TMEM61: variants seen among roughly 807,000 people sequenced by gnomAD.
TMEM61 encodes transmembrane protein 61.
TMEM61 carries 13 observed loss-of-function variants against 12.0 expected under a neutral mutation model. The ratio of observed to expected loss-of-function variants is 1.08; its 90% CI spans 0.70 to 1.72. The LOEUF (loss-of-function observed/expected upper bound fraction) is 1.72. Among genes scored for constraint, TMEM61 ranks in the 40% most tolerant of loss-of-function variants. The pLI, the probability that TMEM61 is intolerant of heterozygous loss-of-function variation, is 0.00. For synonymous variants in TMEM61, 109 were observed against 121.4 expected (o/e 0.90, Z 0.67); for missense variants, 249 against 276.9 (o/e 0.90, Z 0.71).
intron 2 of TMEM61, among the ~76,000 whole-genome samples, chr1:54,988,183 T>C (rs12123143): frequency 0.18 from 27,979 of 152,252 alleles, 3,078 homozygotes; most frequent in Non-Finnish European, 0.25. Context: ...AGTGAGTTAG[T>C]GGTCAGTTGG....
intron 1 of TMEM61, among the ~76,000 whole-genome samples, chr1:54,983,786 T>G (rs1389955404): frequency 6.6e-6 from 1 of 152,176 alleles, no homozygotes; most frequent in Non-Finnish European, 1.5e-5. Context: ...AGAAGCAGGT[T>G]TCTCCTCTTG....
rs144508079 is a variant in TMEM61, at chr1:54,984,957, T to A, written c.16-1140T>A. Among the ~76,000 whole-genome samples, 186 of 152,244 alleles carry A rather than the reference T, an allele frequency of 1.2e-3. No individual in the cohort carries two copies. The Middle Eastern group carries it at 0.027, about 22-fold the overall frequency. ...CGGGGCCAGGACCCTTCCAGGTTTT[T>A]CCCCCCGTGCATTCTTTTATTTAAT... On this transcript the variant is annotated intron_variant, in intron 1 of 2. Coordinates refer to ENST00000371268, the MANE Select transcript of TMEM61 (RefSeq NM_182532.3).
At chr1:54,982,894 A>T (rs913828279) in intron 1 of TMEM61, among the ~76,000 whole-genome samples, 2 of 152,120 alleles carry the variant, frequency 1.3e-5, no homozygotes, top group African/African-American at 4.8e-5. Flanking sequence ...TCTTTAGGAC[A>T]CAGTGCTGTT....
chr1:54,985,495 C>T (rs1398621136), intron 1 of TMEM61, among the ~76,000 whole-genome samples: 1 of 152,232 alleles, frequency 6.6e-6, no homozygotes, highest in Non-Finnish European at 1.5e-5. Flanking sequence ...CCTTGGCCTC[C>T]CAAAGTGCTG....
intron 1 of TMEM61, among the ~76,000 whole-genome samples, 156 bp downstream of exon 1, chr1:54,981,236 G>A (rs191898211): frequency 1.2e-3 from 182 of 152,340 alleles, no homozygotes; most frequent in Admixed American, 4.3e-3. Flanking sequence ...TGGGTGGCTT[G>A]AGGCCATGGC....
At chr1:54,981,562 G>A (rs1354135098) in intron 1 of TMEM61, among the ~76,000 whole-genome samples, 2 of 152,212 alleles carry the variant, frequency 1.3e-5, no homozygotes, top group African/African-American at 4.8e-5. Flanking sequence ...AGGGTGCAAT[G>A]AGCCGAGATC....
At chr1:54,983,033 A>G (rs546527272) in intron 1 of TMEM61, among the ~76,000 whole-genome samples, 9 of 152,104 alleles carry the variant, frequency 5.9e-5, no homozygotes, top group African/African-American at 1.9e-4. Context: ...CAAGGGGGCA[A>G]TGAACAGGAA....
At chr1:54,986,047 G>A (rs1201542302) in intron 1 of TMEM61, 50 bp from the exon 2 acceptor site, 1 of 1,504,912 alleles carries the variant, frequency 6.6e-7, no homozygotes. Flanking sequence ...CTGGCCTCCA[G>A]CACCTTTCAT....
Position 54,986,381 on chromosome 1 carries a change from C to A in TMEM61, c.300C>A (p.Asp100Glu). The change falls in exon 2 of 3, where the codon GAC (aspartate) becomes GAA (glutamate). Residue 100 changes from aspartate to glutamate, a missense_variant. Coordinates refer to ENST00000371268, the MANE Select transcript of TMEM61 (RefSeq NM_182532.3). ...GCATCCCAGGGCCACCTCGATGGGA[C>A]CCCTATCACCTCTCCAGAGACCTGT... The part of the protein sequence containing the change: ...KASIPGPPRW[D>E]PYHLSRDLYY... The A allele has an allele frequency of 1.2e-6, 2 of 1,612,036 alleles. No homozygotes were observed. The highest frequency in any genetic ancestry group is 1.1e-5 in the South Asian group (1 of 90,840).
Position 54,991,935 on chromosome 1 carries a change from C to T in TMEM61, c.465C>T (p.Ala155=). 1 of 1,614,182 alleles carries T rather than the reference C, an allele frequency of 6.2e-7. No individual in the cohort carries two copies. Among genetic ancestry groups the T allele is most frequent in the Non-Finnish European group, 8.5e-7 (1 of 1,180,026 alleles). The part of the protein sequence containing the change: ...PTPPAYPTEE[A]LEPSGSRDAL... ...CACCTGCATACCCTACGGAGGAAGCCCTGGAGCCAAGTGGATCGAGGGATG... is the reference window on the plus strand; with the variant it reads ...CACCTGCATACCCTACGGAGGAAGCTCTGGAGCCAAGTGGATCGAGGGATG... Residue 155 remains alanine (A), a synonymous_variant, in exon 3 of 3, where the codon GCC becomes GCT. Coordinates refer to ENST00000371268, the MANE Select transcript of TMEM61 (RefSeq NM_182532.3).
chr1:54,980,880 T>A lies in TMEM61; in HGVS notation c.-186T>A. On this transcript the variant is annotated 5_prime_UTR_variant, in exon 1 of 3. Transcript: ENST00000371268. Reference sequence around the variant, plus strand: ...GGAGGGCCCAGGAGCCAGACCTCGGTTTTGCGGGCTGGGGAGCAGGGCTCG... The same window carrying A: ...GGAGGGCCCAGGAGCCAGACCTCGGATTTGCGGGCTGGGGAGCAGGGCTCG... 1 of 533,554 alleles carries A rather than the reference T, an allele frequency of 1.9e-6. No individual in the cohort carries two copies. Among genetic ancestry groups the A allele is most frequent in the African/African-American group, 2.0e-5 (1 of 50,890 alleles). 33.1% of individuals were successfully genotyped at this position (533,554 alleles called of 1,614,324 possible).
chr1:54,991,960 G>A lies in TMEM61; in HGVS notation c.490G>A (p.Ala164Thr). Residue 164 changes from alanine (A) to threonine (T), a missense_variant, in exon 3 of 3, where the codon GCC becomes ACC. Physicochemically the swap from Ala to Thr is moderately conservative, Grantham distance 58. Coordinates refer to ENST00000371268, the MANE Select transcript of TMEM61 (RefSeq NM_182532.3). ...EALEPSGSRD[A>T]LLSTQPAWPP... ...CCTGGAGCCAAGTGGATCGAGGGAT[G>A]CCCTGCTCAGCACCCAGCCCGCCTG... 2 of 1,614,182 alleles carry A rather than the reference G, an allele frequency of 1.2e-6. No homozygotes were observed. Among genetic ancestry groups the A allele is most frequent in the Non-Finnish European group, 1.7e-6 (2 of 1,180,030 alleles).
intron 2 of TMEM61, among the ~76,000 whole-genome samples, chr1:54,989,088 A>G (rs555167119): frequency 1.2e-4 from 18 of 152,314 alleles, no homozygotes; most frequent in African/African-American, 4.1e-4. Context: ...TTTAATTTAC[A>G]GTGCGCCCTC....
intron 2 of TMEM61, among the ~76,000 whole-genome samples, chr1:54,989,668 G>T (rs950923834): frequency 6.6e-6 from 1 of 152,216 alleles, no homozygotes; most frequent in Non-Finnish European, 1.5e-5. Context: ...GGAGCTGGGC[G>T]GGCCCAGCTG....
intron 1 of TMEM61, 119 bp downstream of exon 1, chr1:54,981,199 C>CG: frequency 8.6e-7 from 1 of 1,160,952 alleles, no homozygotes; most frequent in Non-Finnish European, 1.2e-6. Flanking sequence ...TGTGGACACC[C>CG]GGGGCTCTGC....
intron 2 of TMEM61, among the ~76,000 whole-genome samples, chr1:54,990,417 G>A (rs1008628099): frequency 1.3e-5 from 2 of 152,156 alleles, no homozygotes; most frequent in African/African-American, 4.8e-5. Context: ...ACACATTGCC[G>A]GAGAAAGTCC....
chr1:54,980,994 T>G lies in TMEM61; in HGVS notation c.-72T>G. 1 of 1,495,970 alleles carries G rather than the reference T, an allele frequency of 6.7e-7. No homozygotes were observed. Among genetic ancestry groups the G allele is most frequent in the Non-Finnish European group, 9.0e-7 (1 of 1,114,882 alleles). 92.7% of individuals were successfully genotyped at this position (1,495,970 alleles called of 1,614,324 possible). On this transcript the variant is annotated 5_prime_UTR_variant, in exon 1 of 3. Transcript: ENST00000371268. ...CTGGTAGGGTCGCTCAGCCCTGGCG[T>G]CCTCCACCACCACACCTTCACCTGC...
chr1:54,983,674 C>G (rs571075235), intron 1 of TMEM61, among the ~76,000 whole-genome samples: 21 of 152,150 alleles, frequency 1.4e-4, no homozygotes, highest in African/African-American at 5.1e-4. Flanking sequence ...GAGGCAGGTG[C>G]GATGCTAGGT....
At chr1:54,982,397 T>C (rs1644228971) in intron 1 of TMEM61, among the ~76,000 whole-genome samples, 1 of 152,012 alleles carries the variant, frequency 6.6e-6, no homozygotes, top group African/African-American at 2.4e-5. Flanking sequence ...GATAGTGACA[T>C]CCCTGACCTA....
Sources: allele counts gnomAD v4.1 joint callset (sites outside exome capture counted in the v4.1 genomes callset), GRCh38; gene constraint gnomAD v4.1.1; transcripts MANE v1.5; gene names NCBI Gene and HGNC (gene_info 2026-07-23, HGNC 2026-07-21).